The following DNAH8 variants were observed in gnomAD, a reference collection of about 807,000 sequenced individuals.
DNAH8 encodes the protein axonemal beta dynein heavy chain 8.
A neutral mutation model predicts 562.1 loss-of-function variants in DNAH8; 382 were observed. The ratio of observed to expected loss-of-function variants is 0.68; its 90% confidence interval spans 0.63 to 0.74. DNAH8 has a LOEUF of 0.74. Ranked by LOEUF, DNAH8 falls within the 30% of genes least tolerant of loss-of-function variation. The probability of loss-of-function intolerance (pLI) is 0.00; values close to 1 mark genes in which losing one functional copy is unlikely to be tolerated. For missense variants in DNAH8, 5,203 were observed against 5,620.4 expected (o/e 0.93, Z 2.37); for synonymous variants, 1,881 against 1,919.4 (o/e 0.98, Z 0.52).
chr6:38,976,561 A>G (rs1486240355), intron 85 of DNAH8, among the ~76,000 whole-genome samples: 1 of 152,220 alleles, frequency 6.6e-6, no homozygotes, highest in African/African-American at 2.4e-5. Context: ...AAGCATCAAC[A>G]TCACTTGGGA....
chr6:38,870,476 T>TA lies in DNAH8; in HGVS notation c.6905dup (p.Tyr2302Ter). The TA allele has an allele frequency of 4.3e-6, 7 of 1,614,106 alleles. No homozygotes were observed. The highest frequency in any genetic ancestry group is 4.5e-5 in the East Asian group (2 of 44,852). The change falls in exon 49 of 93, where the codon TAT (tyrosine) becomes TAAT (stop). Residue 2302 changes from tyrosine to a stop codon, truncating the protein, a stop_gained and frameshift_variant. Transcript: ENST00000327475. LOFTEE classifies it high-confidence loss of function. ...FPGLQLDSNT[Y>*]AELQNAVAHQ... ...AGGACTGCAACTGGATAGTAATACTTATGCAGAACTGCAAAACGCAGTAGC... is the reference window on the plus strand; with the variant it reads ...AGGACTGCAACTGGATAGTAATACTTAATGCAGAACTGCAAAACGCAGTAGC...
At chr6:38,833,429 A>C (rs1774015975) in intron 31 of DNAH8, among the ~76,000 whole-genome samples, 1 of 152,088 alleles carries the variant, frequency 6.6e-6, no homozygotes, top group African/African-American at 2.4e-5. Context: ...TCTATTGTTA[A>C]AGTAAATTTA....
intron 13 of DNAH8, 53 bp from the exon 14 acceptor site, chr6:38,778,335 A>T: frequency 2.0e-6 from 2 of 1,019,080 alleles, no homozygotes. Context: ...TTGTTAAACA[A>T]AACCAATCTC....
chr6:38,774,685 A>C (rs1035157901), intron 12 of DNAH8, among the ~76,000 whole-genome samples: 12 of 152,186 alleles, frequency 7.9e-5, no homozygotes, highest in African/African-American at 2.9e-4. Flanking sequence ...GTAATGAGGT[A>C]AGGGGTAAAG....
intron 6 of DNAH8, 67 bp downstream of exon 6, chr6:38,737,323 A>G: frequency 1.0e-6 from 1 of 992,498 alleles, no homozygotes; most frequent in Non-Finnish European, 1.4e-6. Flanking sequence ...TATTTCATAA[A>G]CAGAGAAAAA....
intron 60 of DNAH8, 47 bp downstream of exon 60, chr6:38,896,272 A>C: frequency 7.5e-6 from 11 of 1,471,220 alleles, no homozygotes; most frequent in Non-Finnish European, 1.0e-5. Context: ...TGCTCACCTG[A>C]CTAGATCTTT....
chr6:38,927,080 G>A (rs763177456), intron 74 of DNAH8, among the ~76,000 whole-genome samples: 1 of 152,088 alleles, frequency 6.6e-6, no homozygotes, highest in Non-Finnish European at 1.5e-5. Context: ...CTCTTTTTGA[G>A]TAGGAATTCT....
rs1778969723 is a variant in DNAH8 at position 38,886,911 on chromosome 6, G to C, written c.8380G>C (p.Gly2794Arg). 6.2e-7 allele frequency: 1 copy of C among 1,613,912 alleles called. No individual in the cohort carries two copies. The highest frequency in any genetic ancestry group is 1.1e-5 in the South Asian group (1 of 91,072). ...CATAGCAGCAATGATCCACCCTGGA[G>C]GTGGTCGAAATGATATTCCACAACG... is the stretch of plus-strand genomic sequence containing the variant. ...QLIAAMIHPG[G>R]GRNDIPQRLK... The change falls in exon 57 of 93, where the codon GGT (glycine) becomes CGT (arginine). Residue 2794 changes from glycine (G) to arginine (R), a missense_variant. Coordinates refer to ENST00000327475, the MANE Select transcript of DNAH8 (RefSeq NM_001206927.2).
Position 38,783,154 on chromosome 6 carries a change from G to T in DNAH8, c.2395+15G>T, listed in dbSNP as rs1202807263. 6.2e-7 allele frequency: 1 copy of T among 1,610,032 alleles called. No individual in the cohort carries two copies. The highest frequency in any genetic ancestry group is 8.5e-7 in the Non-Finnish European group (1 of 1,178,796). The stretch of plus-strand genomic sequence containing the variant: ...GTTGCATTACGGTGTGTATAACACT[G>T]CCATGAGCCTACAAAGTAGGGATTA... On this transcript the variant is annotated intron_variant, in intron 17 of 92. Coordinates refer to ENST00000327475, the MANE Select transcript of DNAH8 (RefSeq NM_001206927.2).
rs1349383136 is a variant in DNAH8, at chr6:38,872,638, T to A, written c.7093T>A (p.Cys2365Ser). The A allele has an allele frequency of 6.2e-7, 1 of 1,614,130 alleles. No homozygotes were observed. Reference protein sequence around the residue: ...ITILMKAQTECGRPHREMRMN... With the variant: ...ITILMKAQTESGRPHREMRMN... ...GATTCTAATGAAGGCGCAAACAGAA[T>A]GCGGAAGGCCTCATAGAGAAATGCG... Residue 2365 changes from cysteine to serine, a missense_variant, in exon 50 of 93, where the codon TGC (cysteine) becomes AGC (serine). Physicochemically the swap from Cys to Ser is moderately radical, Grantham distance 112. This residue lies in a region of DNAH8 where 2,176 missense variants were observed against 2,365.1 expected (regional missense o/e 0.92). Coordinates refer to ENST00000327475, the MANE Select transcript of DNAH8 (RefSeq NM_001206927.2).
Position 38,868,165 on chromosome 6 carries a change from G to C in DNAH8, c.6797G>C (p.Arg2266Thr). 6.2e-7 allele frequency: 1 copy of C among 1,613,228 alleles called. No homozygotes were observed. The highest frequency in any genetic ancestry group is 8.5e-7 in the Non-Finnish European group (1 of 1,179,668). Residue 2266 changes from arginine to threonine, a missense_variant, in exon 48 of 93, where the codon AGA becomes ACA. Physicochemically the swap from Arg to Thr is moderately conservative, Grantham distance 71. Coordinates refer to ENST00000327475, the MANE Select transcript of DNAH8 (RefSeq NM_001206927.2). ...GATAGTGAATTAAGCATTGTCATGAGAGGACTAAGAGATATGAACCTTTCC... is the reference window on the plus strand; with the variant it reads ...GATAGTGAATTAAGCATTGTCATGACAGGACTAAGAGATATGAACCTTTCC... ...PEDSELSIVM[R>T]GLRDMNLSKL... is the part of the protein sequence containing the mutation.
chr6:38,785,345 A>G (rs986527561), intron 17 of DNAH8, among the ~76,000 whole-genome samples: 4 of 152,128 alleles, frequency 2.6e-5, no homozygotes, highest in Non-Finnish European at 5.9e-5. Context: ...TTCACATACG[A>G]TGAAATGCTT....
intron 9 of DNAH8, among the ~76,000 whole-genome samples, chr6:38,752,162 TC>T (rs1765511226): frequency 6.6e-6 from 1 of 151,146 alleles, no homozygotes; most frequent in East Asian, 1.9e-4. Context: ...CTTTCCTTCC[TC>T]CCCCCACCCC....
chr6:38,751,412 G>A (rs1182493992), intron 9 of DNAH8, among the ~76,000 whole-genome samples: 1 of 152,200 alleles, frequency 6.6e-6, no homozygotes, highest in Non-Finnish European at 1.5e-5. Context: ...CACTCTGGGT[G>A]GGTAGGGGAG....
intron 8 of DNAH8, among the ~76,000 whole-genome samples, chr6:38,747,384 C>CTTTTTTTTTTTTT (rs55729629): frequency 1.2e-4 from 14 of 113,698 alleles, no homozygotes; most frequent in East Asian, 8.3e-4. Flanking sequence ...TTTTCTTTTT[C>CTTTTTTTTTTTTT]TTTTTTTTTT....
chr6:38,852,618 A>C (rs1010020328), intron 39 of DNAH8, 76 bp from the exon 40 acceptor site: 43 of 1,027,928 alleles, frequency 4.2e-5, no homozygotes, highest in Admixed American at 1.5e-4. Context: ...AAAGATACAA[A>C]ATATTAAGGC....
chr6:38,878,904 C>T lies in DNAH8; in HGVS notation c.7858+3076C>T, dbSNP rs144106728. Among the ~76,000 whole-genome samples the T allele has an allele frequency of 1.3e-3, 191 of 152,154 alleles. 2 individuals carry two copies. The highest frequency in any genetic ancestry group is 4.1e-3 in the African/African-American group (169 of 41,510). ...ATTTGAGGTGATAGATATGTTAATT[C>T]GCTTGTAATAATTCCACATGATACG... On this transcript the variant is annotated intron_variant, in intron 53 of 92. Transcript: ENST00000327475.
At chr6:38,779,934 C>CT in intron 14 of DNAH8, 32 bp from the exon 15 acceptor site, 2 of 1,587,264 alleles carry the variant, frequency 1.3e-6, no homozygotes, top group Non-Finnish European at 8.6e-7. Flanking sequence ...TTCTCATTTA[C>CT]TTTTTAACCA....
intron 92 of DNAH8, among the ~76,000 whole-genome samples, chr6:39,027,542 T>TTG (rs1163501126): frequency 6.6e-6 from 1 of 152,134 alleles, no homozygotes. Context: ...ATTAAAGGAG[T>TTG]TGTGGCCAGG....
Sources: gnomAD v4.1 joint callset for allele counts (sites outside exome capture counted in the v4.1 genomes callset) on GRCh38, gnomAD v4.1.1 for gene constraint, gnomAD v4.1.1 regional missense constraint, MANE v1.5 for transcripts, NCBI Gene and HGNC (gene_info 2026-07-23, HGNC 2026-07-21) for gene names.